ITGB4: variants seen among roughly 807,000 people sequenced by gnomAD.
ITGB4 encodes integrin subunit beta 4.
A neutral mutation model predicts 207.6 loss-of-function variants in ITGB4; 159 were observed. That is an observed-to-expected ratio of 0.77 (90% CI 0.67 to 0.87). ITGB4 has a LOEUF of 0.87. Among genes scored for constraint, ITGB4 ranks in the 40% least tolerant of loss-of-function variants. ITGB4 has a pLI of 0.00. For missense variants in ITGB4, 2,278 were observed against 2,546.8 expected, an observed-to-expected ratio of 0.89 and a Z score of 2.27; for synonymous variants, 1,020 against 1,062.7, an observed-to-expected ratio of 0.96 and a Z score of 0.78.
chr17:75,730,426 C>T lies in ITGB4; in HGVS notation c.924C>T (p.Pro308=), dbSNP rs1160701153. Residue 308 remains proline, a synonymous_variant, in exon 8 of 40, where the codon CCC becomes CCT. Coordinates refer to ENST00000200181, the MANE Select transcript of ITGB4 (RefSeq NM_000213.5). ...GGACACAGGACTACCCGTCGGTGCCCACCCTGGTGCGCCTGCTCGCCAAGC... is the reference window on the plus strand; with the variant it reads ...GGACACAGGACTACCCGTCGGTGCCTACCCTGGTGCGCCTGCTCGCCAAGC... The part of the protein sequence containing the change: ...QYRTQDYPSV[P]TLVRLLAKHN... 1.9e-6 allele frequency: 3 copies of T among 1,613,964 alleles called. No homozygotes were observed. In the African/African-American group the frequency reaches 4.0e-5, roughly 22 times the overall value.
chr17:75,755,142 T>TC (rs755667096), intron 34 of ITGB4: 2 of 1,610,818 alleles, frequency 1.2e-6, no homozygotes, highest in Non-Finnish European at 1.7e-6. Flanking sequence ...ATGAAAGGGT[T>TC]CCCCCCTTCC....
In ITGB4 at chr17:75,739,792, A is replaced by G; in HGVS notation, c.2254+87A>G. On this transcript the variant is annotated intron_variant, in intron 19 of 39. Coordinates refer to ENST00000200181, the MANE Select transcript of ITGB4 (RefSeq NM_000213.5). This position sits in a 1 kb window ranked among gnomAD's most constrained non-coding sequence, Gnocchi z 5.4. ...GGAGGGAAGCTGAACCTGGAACGGC[A>G]GAGGCTGGAGGCTCTGGGGTCCCAC... The G allele has an allele frequency of 1.9e-6, 3 of 1,610,122 alleles. No individual in the cohort carries two copies. Among genetic ancestry groups the G allele is most frequent in the Non-Finnish European group, 2.5e-6 (3 of 1,176,720 alleles).
chr17:75,751,702 C>T, intron 30 of ITGB4: 1 of 229,248 alleles, frequency 4.4e-6, no homozygotes, highest in Non-Finnish European at 8.8e-6. Context: ...GATCGTGTTA[C>T]CGCACTCCAG....
intron 39 of ITGB4, 41 bp from the exon 40 acceptor site, chr17:75,757,375 C>A (rs537736971): frequency 1.2e-6 from 2 of 1,612,984 alleles, no homozygotes; most frequent in East Asian, 2.2e-5. Context: ...GGGAGAAGGG[C>A]AGACCCCAAG....
chr17:75,729,514 C>A lies in ITGB4; in HGVS notation c.738+78C>A. ...GCAAGGGCCTGAGCTGCCCCCTGGC[C>A]TGCTCTGGTGCCAGGCTCACAGGCC... On this transcript the variant is annotated intron_variant, in intron 7 of 39. Transcript: ENST00000200181. The surrounding 1 kb of genome is among the most constrained non-coding windows in gnomAD (Gnocchi z 4.4). The A allele has an allele frequency of 6.8e-7, 1 of 1,472,010 alleles. No homozygotes were observed. Among genetic ancestry groups the A allele is most frequent in the Non-Finnish European group, 9.2e-7 (1 of 1,086,230 alleles). 91.2% of individuals were successfully genotyped at this position (1,472,010 alleles called of 1,614,324 possible).
intron 1 of ITGB4, among the ~76,000 whole-genome samples, chr17:75,723,189 G>C (rs1481089238): frequency 1.3e-5 from 2 of 152,206 alleles, no homozygotes; most frequent in Non-Finnish European, 2.9e-5. Flanking sequence ...GGATGGGGAA[G>C]TTCCACAGCC....
rs1308644607 is a variant in ITGB4 at position 75,729,274 on chromosome 17, G to T, written c.576G>T (p.Glu192Asp). ...TCCCACCTCTGCCCAGGCTGAAGGA[G>T]CCCTGGCCCAACAGTGACCCCCCCT... is the stretch of plus-strand genomic sequence containing the variant. Reference protein sequence around the residue: ...QTDMRPEKLKEPWPNSDPPFS... With the variant: ...QTDMRPEKLKDPWPNSDPPFS... Residue 192 changes from glutamate (E) to aspartate (D), a missense_variant, in exon 7 of 40, where the codon GAG (glutamate) becomes GAT (aspartate). Transcript: ENST00000200181. This position sits in a 1 kb window ranked among gnomAD's most constrained non-coding sequence, Gnocchi z 4.4. 1.2e-6 allele frequency: 2 copies of T among 1,614,048 alleles called. No individual in the cohort carries two copies. The highest frequency in any genetic ancestry group is 1.7e-6 in the Non-Finnish European group (2 of 1,179,982).
Position 75,729,723 on chromosome 17 carries a change from T to G in ITGB4, c.738+287T>G, listed in dbSNP as rs2060809971. On this transcript the variant is annotated intron_variant, in intron 7 of 39. Coordinates refer to ENST00000200181, the MANE Select transcript of ITGB4 (RefSeq NM_000213.5). The surrounding 1 kb of genome is among the most constrained non-coding windows in gnomAD (Gnocchi z 4.4). ...CCTGGGCTTTAGCGTTCTGGAATCT[T>G]TAGTACCCTGAACCCACCAGCTGCC... is the stretch of plus-strand genomic sequence containing the variant. 6.6e-6 allele frequency among the ~76,000 whole-genome samples: 1 copy of G among 152,192 alleles called. No homozygotes were observed. Among genetic ancestry groups the G allele is most frequent in the Non-Finnish European group, 1.5e-5 (1 of 68,020 alleles).
chr17:75,744,294 G>GT (rs1428102243), intron 26 of ITGB4, among the ~76,000 whole-genome samples: 4 of 151,910 alleles, frequency 2.6e-5, no homozygotes, highest in African/African-American at 9.7e-5. Flanking sequence ...CTAATTTTGT[G>GT]TTTTTAGTAG....
At chr17:75,755,489 C>G (rs1317614263) in intron 34 of ITGB4, among the ~76,000 whole-genome samples, 1 of 152,180 alleles carries the variant, frequency 6.6e-6, no homozygotes, top group Non-Finnish European at 1.5e-5. Flanking sequence ...GGGGCTCACT[C>G]TCTTTTGGCA....
rs1419791050 is a variant in ITGB4, at chr17:75,732,997, A to G, written c.1455-493A>G. Among the ~76,000 whole-genome samples the G allele has an allele frequency of 6.6e-6, 1 of 152,098 alleles. No individual in the cohort carries two copies. The highest frequency in any genetic ancestry group is 2.4e-5 in the African/African-American group (1 of 41,404). On this transcript the variant is annotated intron_variant, in intron 12 of 39. Coordinates refer to ENST00000200181, the MANE Select transcript of ITGB4 (RefSeq NM_000213.5). The surrounding 1 kb of genome is among the most constrained non-coding windows in gnomAD (Gnocchi z 5.3). The stretch of plus-strand genomic sequence containing the variant: ...CAGCTACTCGGGAGGCTGAGGCAGA[A>G]TTGCTTGCACCTAGAAGGCGGAGGT...
intron 1 of ITGB4, among the ~76,000 whole-genome samples, 154 bp downstream of exon 1, chr17:75,721,766 C>G (rs535686453): frequency 6.6e-6 from 1 of 152,320 alleles, no homozygotes; most frequent in South Asian, 2.1e-4. Context: ...CGGGGTGCGC[C>G]GGGGGCAGCT....
At chr17:75,754,840 C>A (rs779475585) in intron 34 of ITGB4, 25 bp downstream of exon 34, 2 of 1,613,992 alleles carry the variant, frequency 1.2e-6, no homozygotes, top group Middle Eastern at 1.6e-4. Context: ...CCAACCCTGC[C>A]TCTCCCACTA....
rs181650640 is a variant in ITGB4 at position 75,750,549 on chromosome 17, G to T, written c.3475-131G>T. On this transcript the variant is annotated intron_variant, in intron 28 of 39. Transcript: ENST00000200181. The surrounding 1 kb of genome is among the most constrained non-coding windows in gnomAD (Gnocchi z 5.5). Reference sequence around the variant, plus strand: ...GCCCTAGTCCTGACGTGTGCACATGGCAGATCTCTCAGCCCCTCCCTCGGG... The same window carrying T: ...GCCCTAGTCCTGACGTGTGCACATGTCAGATCTCTCAGCCCCTCCCTCGGG... The T allele has an allele frequency of 7.9e-4, 705 of 889,742 alleles. 2 individuals are homozygous for T. The highest frequency in any genetic ancestry group is 1.1e-3 in the Non-Finnish European group (629 of 558,984). The allele number at this position is 889,742 out of a possible 1,614,324, so 55.1% of individuals were successfully genotyped here.
In ITGB4 at chr17:75,730,483, C is replaced by A. The variant is rs749156951; in HGVS notation, c.981C>A (p.Asn327Lys). 1.2e-6 allele frequency: 2 copies of A among 1,613,938 alleles called. No individual in the cohort carries two copies. Among genetic ancestry groups the A allele is most frequent in the Non-Finnish European group, 1.7e-6 (2 of 1,180,026 alleles). ...TCATCCCCATCTTTGCTGTCACCAA[C>A]TACTCCTATAGCTACTACGAGGTGC... is the stretch of plus-strand genomic sequence containing the variant. ...HNIIPIFAVT[N>K]YSYSYYEKLH... is the part of the protein sequence containing the mutation. Residue 327 changes from asparagine to lysine, a missense_variant, in exon 8 of 40, where the codon AAC (asparagine) becomes AAA (lysine). Physicochemically the swap from Asn to Lys is moderately conservative, Grantham distance 94 (BLOSUM62 0). Transcript: ENST00000200181.
intron 26 of ITGB4, 44 bp from the exon 27 acceptor site, chr17:75,748,797 C>T: frequency 6.7e-7 from 1 of 1,481,828 alleles, no homozygotes; most frequent in Non-Finnish European, 9.3e-7. Context: ...ACTCTTGCCT[C>T]AGCCCCCAGC....
chr17:75,730,494 G>A lies in ITGB4; in HGVS notation c.992G>A (p.Ser331Asn). Residue 331 changes from serine (S) to asparagine (N), a missense_variant, in exon 8 of 40, where the codon AGC becomes AAC. Coordinates refer to ENST00000200181, the MANE Select transcript of ITGB4 (RefSeq NM_000213.5). The stretch of plus-strand genomic sequence containing the variant: ...TTTGCTGTCACCAACTACTCCTATA[G>A]CTACTACGAGGTGCGGGGCCCAGGT... ...PIFAVTNYSY[S>N]YYEKLHTYFP... The A allele has an allele frequency of 6.2e-7, 1 of 1,613,746 alleles. No homozygotes were observed. Among genetic ancestry groups the A allele is most frequent in the East Asian group, 2.2e-5 (1 of 44,880 alleles).
chr17:75,747,205 G>A (rs1436803026), intron 26 of ITGB4, among the ~76,000 whole-genome samples: 1 of 152,008 alleles, frequency 6.6e-6, no homozygotes, highest in Non-Finnish European at 1.5e-5. Context: ...CCAGCCAGGC[G>A]TGGTGGCTCA....
Position 75,727,731 on chromosome 17 carries a change from G to C in ITGB4, c.345G>C (p.Glu115Asp), listed in dbSNP as rs773439891. The C allele has an allele frequency of 6.2e-7, 1 of 1,613,928 alleles. No individual in the cohort carries two copies. ...GLRVRLRPGE[E>D]RHFELEVFEP... is the part of the protein sequence containing the mutation. ...GGGTCCGTCTGCGGCCCGGTGAGGA[G>C]CGGCATTTTGAGCTGGAGGTGTTTG... The change falls in exon 5 of 40, where the codon GAG becomes GAC. Residue 115 changes from glutamate (E) to aspartate (D), a missense_variant. Physicochemically the swap from Glu to Asp is conservative, Grantham distance 45. Coordinates refer to ENST00000200181, the MANE Select transcript of ITGB4 (RefSeq NM_000213.5). The surrounding 1 kb of genome is among the most constrained non-coding windows in gnomAD (Gnocchi z 6.0).
Sources: gnomAD v4.1 joint callset for allele counts (sites outside exome capture counted in the v4.1 genomes callset) on GRCh38, gnomAD v4.1.1 for gene constraint, Gnocchi (gnomAD v3.1) non-coding constraint, MANE v1.5 for transcripts, NCBI Gene and HGNC (gene_info 2026-07-23, HGNC 2026-07-21) for gene names.